Variants in GPR19 observed in about 807,000 individuals in gnomAD.
The protein encoded by GPR19 is G protein-coupled receptor 19, also known as probable G protein-coupled receptor 19.
GPR19 carries 14 observed loss-of-function variants against 28.5 expected under a neutral mutation model. The observed-to-expected ratio is 0.49, with a 90% CI of 0.32 to 0.77. The LOEUF (loss-of-function observed/expected upper bound fraction) is 0.77, where lower values mean the gene tolerates loss of function less well. GPR19 is among the 30% of genes least tolerant of loss of function. GPR19 has a pLI of 0.03. For synonymous variants in GPR19, 173 were observed against 184.1 expected, an observed-to-expected ratio of 0.94 and a Z score of 0.49; for missense variants, 409 against 504.1, an observed-to-expected ratio of 0.81 and a Z score of 1.81.
chr12:12,665,785 C>A (rs1239284667), intron 3 of GPR19, among the ~76,000 whole-genome samples: 4 of 116,886 alleles, frequency 3.4e-5, no homozygotes, highest in Non-Finnish European at 3.2e-5. Context: ...TGCAGTGAGC[C>A]GAGCAGCCTG....
the GPR19 span, among the ~76,000 whole-genome samples, chr12:12,713,543 G>T: frequency 2.7e-5 from 4 of 150,938 alleles, no homozygotes; most frequent in South Asian, 2.1e-4. Flanking sequence ...CACCTTTTTT[G>T]TGTGTGTGAG....
chr12:12,693,362 C>A (rs7134306), intron 2 of GPR19, among the ~76,000 whole-genome samples: 9 of 152,212 alleles, frequency 5.9e-5, no homozygotes, highest in Admixed American at 3.9e-4. Context: ...TCAATCATGC[C>A]TTGATGCCCT....
In GPR19 at chr12:12,662,219, A is replaced by G. The variant is rs988483453; in HGVS notation, c.230T>C (p.Leu77Ser). The change falls in exon 4 of 4, where the codon TTG becomes TCG. Residue 77 changes from leucine to serine, a missense_variant. Physicochemically the swap from Leu to Ser is moderately radical, Grantham distance 145. Transcript: ENST00000651487. The part of the protein sequence containing the change: ...TASIFFGILW[L>S]FSIFGNSLVC... ...CAGGGAATTGCCGAAGATAGAAAAC[A>G]ACCACAGAATCCCAAAGAAGATGCT... 3.1e-6 allele frequency: 5 copies of G among 1,614,128 alleles called. No individual in the cohort carries two copies. The Admixed American group carries it at 5.0e-5, about 16-fold the overall frequency.
the GPR19 span, among the ~76,000 whole-genome samples, chr12:12,707,159 G>A: frequency 6.6e-6 from 1 of 152,260 alleles, no homozygotes; most frequent in Non-Finnish European, 1.5e-5. Context: ...CAGAGCCTCT[G>A]GATTTGCTAT....
the GPR19 span, among the ~76,000 whole-genome samples, chr12:12,710,091 C>G: frequency 2.0e-3 from 301 of 152,276 alleles, 5 homozygotes; most frequent in East Asian, 0.014. Flanking sequence ...GTGGCTCACA[C>G]CTGTAATCCC....
the GPR19 span, among the ~76,000 whole-genome samples, chr12:12,712,666 T>C: frequency 1.3e-5 from 2 of 152,180 alleles, no homozygotes; most frequent in African/African-American, 2.4e-5. Context: ...ATGTATTGCT[T>C]TCTACCTCTA....
chr12:12,694,050 A>C (rs1022822340), intron 2 of GPR19, among the ~76,000 whole-genome samples: 4 of 151,982 alleles, frequency 2.6e-5, no homozygotes, highest in African/African-American at 9.7e-5. Context: ...TGCAAAATGG[A>C]GGGTTTTAAG....
At chr12:12,708,364 T>G in the GPR19 span, among the ~76,000 whole-genome samples, 1 of 152,190 alleles carries the variant, frequency 6.6e-6, no homozygotes, top group Non-Finnish European at 1.5e-5. Context: ...TGCATTTTTT[T>G]TCTTTAAATT....
upstream of GPR19, among the ~76,000 whole-genome samples, chr12:12,696,880 A>G (rs1946271524): frequency 6.6e-6 from 1 of 152,204 alleles, no homozygotes; most frequent in Non-Finnish European, 1.5e-5. Flanking sequence ...AATGGTAGGG[A>G]AAACACTGGA....
the GPR19 span, chr12:12,716,838 G>T: frequency 1.0e-6 from 1 of 983,050 alleles, no homozygotes; most frequent in African/African-American, 1.8e-5. Context: ...GCACGCCGGC[G>T]GGGGGGCGCC....
intron 2 of GPR19, among the ~76,000 whole-genome samples, chr12:12,694,811 C>T (rs1946239144): frequency 6.6e-6 from 1 of 152,110 alleles, no homozygotes; most frequent in Non-Finnish European, 1.5e-5. Context: ...CTGGATGATC[C>T]CACTCCCTAA....
chr12:12,681,951 A>T (rs913752704), intron 3 of GPR19, among the ~76,000 whole-genome samples: 2 of 152,174 alleles, frequency 1.3e-5, no homozygotes, highest in Non-Finnish European at 2.9e-5. Context: ...CCACACTGAT[A>T]CTCAAGATCC....
chr12:12,716,743 C>T, the GPR19 span: 7 of 985,114 alleles, frequency 7.1e-6, no homozygotes, highest in Non-Finnish European at 8.4e-6. Context: ...TTCCCTAGGC[C>T]CCCAGCCTCC....
intron 2 of GPR19, among the ~76,000 whole-genome samples, chr12:12,690,359 CA>C (rs1188347561): frequency 6.6e-6 from 1 of 152,168 alleles, no homozygotes; most frequent in East Asian, 1.9e-4. Flanking sequence ...AGGCACATAA[CA>C]CTGTTGTCTA....
Position 12,681,097 on chromosome 12 carries a change from C to CA in GPR19, c.-23+3253_-23+3254insT, listed in dbSNP as rs1281710956. Among the ~76,000 whole-genome samples the CA allele has an allele frequency of 2.1e-4, 32 of 152,292 alleles. No individual in the cohort carries two copies. In the East Asian group the frequency reaches 6.0e-3, roughly 29 times the overall value. ...ACAGGCGTGAGTTATGGCACTCAGC[C>CA]TCCCTTTTTCTTTTTAAGCCATCCT... On this transcript the variant is annotated intron_variant, in intron 3 of 3. Coordinates refer to ENST00000651487, the MANE Select transcript of GPR19 (RefSeq NM_006143.3).
intron 2 of GPR19, among the ~76,000 whole-genome samples, chr12:12,687,481 T>G (rs954933012): frequency 2.0e-5 from 3 of 152,216 alleles, no homozygotes; most frequent in Non-Finnish European, 4.4e-5. Flanking sequence ...CTAAAACTGC[T>G]TTTCTGAGAA....
In GPR19 at chr12:12,674,281, A is replaced by G. The variant is rs572523670; in HGVS notation, c.-23+10070T>C. Among the ~76,000 whole-genome samples the G allele has an allele frequency of 4.1e-4, 62 of 150,696 alleles. No homozygotes were observed. The East Asian group carries it at 0.01, about 25-fold the overall frequency. ...GTCAGACCCTATCTCTACCAAAAAAAAAAAAAAAAAGTAAAAATTTGCTGG... is the reference window on the plus strand; with the variant it reads ...GTCAGACCCTATCTCTACCAAAAAAGAAAAAAAAAAGTAAAAATTTGCTGG... On this transcript the variant is annotated intron_variant, in intron 3 of 3. Transcript: ENST00000651487.
intron 3 of GPR19, among the ~76,000 whole-genome samples, chr12:12,682,569 C>T (rs1946037769): frequency 6.6e-6 from 1 of 152,186 alleles, no homozygotes; most frequent in Non-Finnish European, 1.5e-5. Context: ...AAGCTCACTT[C>T]ATGTGACTAT....
chr12:12,678,094 A>C (rs1050513802), intron 3 of GPR19, among the ~76,000 whole-genome samples: 1 of 151,068 alleles, frequency 6.6e-6, no homozygotes, highest in Non-Finnish European at 1.5e-5. Context: ...AAAAAAAAAA[A>C]AAAAAATCAC....
Sources: gnomAD v4.1 joint callset for allele counts (sites outside exome capture counted in the v4.1 genomes callset) on GRCh38, gnomAD v4.1.1 for gene constraint, MANE v1.5 for transcripts, NCBI Gene and HGNC (gene_info 2026-07-23, HGNC 2026-07-21) for gene names.